EXOC6: variants seen among roughly 807,000 people sequenced by gnomAD.
EXOC6 encodes the protein SEC15-like 1.
EXOC6 carries 60 observed loss-of-function variants against 112.5 expected under a neutral mutation model. The observed-to-expected ratio is 0.53, with a 90% CI of 0.43 to 0.66. The LOEUF (loss-of-function observed/expected upper bound fraction) is 0.66. EXOC6 is among the 30% of genes least tolerant of loss of function. The pLI, the probability that EXOC6 is intolerant of heterozygous loss-of-function variation, is 0.00. For synonymous variants in EXOC6, 295 were observed against 308.0 expected (o/e 0.96, Z 0.44); for missense variants, 855 against 957.1 (o/e 0.89, Z 1.41).
At chr10:93,027,814 A>C (rs1845094904) in intron 20 of EXOC6, among the ~76,000 whole-genome samples, 1 of 152,244 alleles carries the variant, frequency 6.6e-6, no homozygotes, top group Admixed American at 6.5e-5. Flanking sequence ...CAAGGAAATA[A>C]ATGTTTTCAT....
intron 18 of EXOC6, among the ~76,000 whole-genome samples, chr10:92,980,777 T>C (rs1478398205): frequency 1.3e-5 from 2 of 152,202 alleles, no homozygotes; most frequent in African/African-American, 2.4e-5. Flanking sequence ...TGTATAAGTT[T>C]CCCTTCTTTT....
intron 9 of EXOC6, among the ~76,000 whole-genome samples, chr10:92,931,678 A>G (rs977710819): frequency 2.0e-5 from 3 of 151,836 alleles, no homozygotes; most frequent in Non-Finnish European, 4.4e-5. Context: ...AAATAAGCAT[A>G]TGAGAAGATG....
At chr10:92,891,928 A>G (rs1012240499) in intron 1 of EXOC6, among the ~76,000 whole-genome samples, 2 of 152,238 alleles carry the variant, frequency 1.3e-5, no homozygotes, top group African/African-American at 4.8e-5. Flanking sequence ...AATACAAAAC[A>G]TGTAAATTAC....
At chr10:92,927,357 A>C (rs1287304828) in intron 8 of EXOC6, among the ~76,000 whole-genome samples, 1 of 152,178 alleles carries the variant, frequency 6.6e-6, no homozygotes, top group Admixed American at 6.5e-5. Context: ...TCACTTACCT[A>C]ATATTTATTG....
chr10:93,015,602 A>G (rs1350686500), intron 20 of EXOC6, among the ~76,000 whole-genome samples: 2 of 152,164 alleles, frequency 1.3e-5, no homozygotes, highest in African/African-American at 4.8e-5. Flanking sequence ...GCGTGGTGGC[A>G]CATGCCTGTA....
chr10:93,006,357 G>A (rs1408973648), intron 19 of EXOC6, among the ~76,000 whole-genome samples: 2 of 152,202 alleles, frequency 1.3e-5, no homozygotes, highest in East Asian at 3.8e-4. Context: ...GCTGGATGCT[G>A]TTACACTGTT....
chr10:92,898,293 G>A (rs1849939642), intron 4 of EXOC6, among the ~76,000 whole-genome samples: 1 of 151,534 alleles, frequency 6.6e-6, no homozygotes, highest in African/African-American at 2.4e-5. Flanking sequence ...TTAGCCAGCT[G>A]TGGTGGCGTA....
chr10:92,931,117 A>G (rs1253887002), intron 9 of EXOC6, among the ~76,000 whole-genome samples: 2 of 47,224 alleles, frequency 4.2e-5, no homozygotes, highest in East Asian at 3.5e-4. Context: ...TCTCAGAAGA[A>G]AAAAAAAAAA....
intron 20 of EXOC6, among the ~76,000 whole-genome samples, chr10:93,029,585 T>C (rs995305807): frequency 5.9e-5 from 9 of 152,232 alleles, no homozygotes; most frequent in African/African-American, 1.9e-4. Context: ...ACTCTGTTGC[T>C]TGTCTGTTCA....
At chr10:92,893,204 T>C in intron 1 of EXOC6, 145 bp from the exon 2 acceptor site, 1 of 561,262 alleles carries the variant, frequency 1.8e-6, no homozygotes, top group Non-Finnish European at 3.1e-6. Context: ...AATAAAATAC[T>C]TTCACGCAAA....
chr10:92,918,681 C>T (rs1162369048), intron 7 of EXOC6, among the ~76,000 whole-genome samples: 1 of 152,098 alleles, frequency 6.6e-6, no homozygotes. Context: ...GCTTTGGCCT[C>T]CTAAAGTGCT....
intron 20 of EXOC6, among the ~76,000 whole-genome samples, chr10:93,018,841 A>T (rs1471654528): frequency 6.6e-6 from 1 of 151,716 alleles, no homozygotes; most frequent in African/African-American, 2.4e-5. Context: ...GAAATTTTTC[A>T]TAATAAAAAT....
chr10:92,965,678 G>T (rs1054371362), intron 17 of EXOC6, among the ~76,000 whole-genome samples: 1 of 152,148 alleles, frequency 6.6e-6, no homozygotes, highest in African/African-American at 2.4e-5. Flanking sequence ...ATAATTTAGT[G>T]TATTCCTATG....
In EXOC6 at chr10:92,893,395, A is replaced by C. The variant is rs1186061544; in HGVS notation, c.148A>C (p.Lys50Gln). ...AAATGCGCACAAGAAGTTTATGGAA[A>C]AGTTAGATGCTTGTATCCGTAATCA... ...QPNAHKKFME[K>Q]LDACIRNHDK... The change falls in exon 2 of 22, where the codon AAG becomes CAG. Residue 50 changes from lysine (K) to glutamine (Q), a missense_variant. Lys to Gln is a moderately conservative substitution (Grantham distance 53, BLOSUM62 1). Around this residue, in one of 2 missense-constraint regions of EXOC6, gnomAD observed 405 missense variants for 393.6 expected, o/e 1.03. Coordinates refer to ENST00000260762, the MANE Select transcript of EXOC6 (RefSeq NM_019053.6). 2 of 1,612,718 alleles carry C rather than the reference A, an allele frequency of 1.2e-6. No individual in the cohort carries two copies. Among genetic ancestry groups the C allele is most frequent in the Non-Finnish European group, 1.7e-6 (2 of 1,179,266 alleles).
At chr10:93,045,488 T>C (rs761950446) in intron 20 of EXOC6, among the ~76,000 whole-genome samples, 1 of 152,232 alleles carries the variant, frequency 6.6e-6, no homozygotes, top group South Asian at 2.1e-4. Flanking sequence ...CTGGTCTGGC[T>C]TCCTTCATTC....
At chr10:92,920,944 C>T (rs1235441435) in intron 8 of EXOC6, among the ~76,000 whole-genome samples, 1 of 152,130 alleles carries the variant, frequency 6.6e-6, no homozygotes, top group Non-Finnish European at 1.5e-5. Context: ...CATGTTTTTC[C>T]CCATCCTTTT....
intron 18 of EXOC6, among the ~76,000 whole-genome samples, chr10:92,989,136 A>G (rs1253919719): frequency 1.3e-5 from 2 of 152,178 alleles, no homozygotes; most frequent in African/African-American, 4.8e-5. Flanking sequence ...AACTACATCT[A>G]TTCATCTTTG....
intron 20 of EXOC6, among the ~76,000 whole-genome samples, chr10:93,028,123 G>T (rs1209202263): frequency 6.6e-6 from 1 of 151,852 alleles, no homozygotes; most frequent in Non-Finnish European, 1.5e-5. Flanking sequence ...ATAAGGAGAC[G>T]CTGTCATATG....
intron 19 of EXOC6, among the ~76,000 whole-genome samples, chr10:93,011,687 T>C (rs1844255175): frequency 6.6e-6 from 1 of 152,178 alleles, no homozygotes; most frequent in African/African-American, 2.4e-5. Flanking sequence ...ATTTTGCTTA[T>C]CGTTTTTCAG....
Sources: allele counts gnomAD v4.1 joint callset (sites outside exome capture counted in the v4.1 genomes callset), GRCh38; gene constraint gnomAD v4.1.1; regional missense constraint gnomAD v4.1.1; transcripts MANE v1.5; gene names NCBI Gene and HGNC (gene_info 2026-07-23, HGNC 2026-07-21).